RGL1: variants seen among roughly 807,000 people sequenced by gnomAD.
RGL1 encodes ral guanine nucleotide dissociation stimulator-like 1.
RGL1 carries 24 observed loss-of-function variants against 95.2 expected under a neutral mutation model. The observed-to-expected ratio is 0.25, with a 90% CI of 0.18 to 0.35. The LOEUF (loss-of-function observed/expected upper bound fraction) is 0.35, where lower values mean the gene tolerates loss of function less well. Ranked by LOEUF, RGL1 falls within the 10% of genes least tolerant of loss-of-function variation. RGL1 has a pLI of 1.00. For synonymous variants in RGL1, 329 were observed against 344.9 expected (o/e 0.95, Z 0.51); for missense variants, 715 against 936.3 (o/e 0.76, Z 3.08).
intron 1 of RGL1, among the ~76,000 whole-genome samples, chr1:183,740,442 G>T (rs1657220105): frequency 6.6e-6 from 1 of 152,216 alleles, no homozygotes; most frequent in South Asian, 2.1e-4. Flanking sequence ...GAGCAGAGAA[G>T]TAACTCCTCT....
At chr1:183,864,177 T>C (rs1558256920) in intron 3 of RGL1, among the ~76,000 whole-genome samples, 2 of 152,188 alleles carry the variant, frequency 1.3e-5, no homozygotes, top group Admixed American at 6.5e-5. Context: ...AAAAAGACTA[T>C]CAGGAGCAGT....
intron 1 of RGL1, chr1:183,648,070 A>G: frequency 6.2e-7 from 1 of 1,614,248 alleles, no homozygotes; most frequent in South Asian, 1.1e-5. Flanking sequence ...TCAGTGAAGT[A>G]AGGTTTTACG....
intron 1 of RGL1, among the ~76,000 whole-genome samples, chr1:183,729,184 ATGTG>A (rs61621950): frequency 0.46 from 69,696 of 150,374 alleles, 16,748 homozygotes; most frequent in East Asian, 0.75. Context: ...TAAAATATAT[ATGTG>A]TGTGTGTGTG....
At chr1:183,882,690 G>T (rs1044261828) in intron 5 of RGL1, among the ~76,000 whole-genome samples, 1 of 152,106 alleles carries the variant, frequency 6.6e-6, no homozygotes. Context: ...TCACATACCT[G>T]CCACCAGTAT....
At chr1:183,862,892 A>G (rs528002476) in intron 3 of RGL1, among the ~76,000 whole-genome samples, 7 of 152,374 alleles carry the variant, frequency 4.6e-5, no homozygotes, top group African/African-American at 1.4e-4. Flanking sequence ...TAACACAACA[A>G]CAAAATGAAC....
At chr1:183,811,116 A>G (rs1344917885) in intron 2 of RGL1, among the ~76,000 whole-genome samples, 1 of 152,212 alleles carries the variant, frequency 6.6e-6, no homozygotes, top group African/African-American at 2.4e-5. Flanking sequence ...ACTTACAAAG[A>G]AGAAGAAAGG....
At chr1:183,745,295 A>G (rs1348352778) in intron 2 of RGL1, among the ~76,000 whole-genome samples, 4 of 152,164 alleles carry the variant, frequency 2.6e-5, no homozygotes, top group Non-Finnish European at 5.9e-5. Flanking sequence ...ATGCACTAAA[A>G]CAATATTTTC....
chr1:183,660,835 A>G (rs1482483785), intron 1 of RGL1, among the ~76,000 whole-genome samples: 2 of 152,236 alleles, frequency 1.3e-5, no homozygotes, highest in African/African-American at 4.8e-5. Context: ...AATGTAAAAG[A>G]TCAGAAATTA....
At chr1:183,715,912 G>A (rs1361015248) in intron 1 of RGL1, among the ~76,000 whole-genome samples, 1 of 152,144 alleles carries the variant, frequency 6.6e-6, no homozygotes, top group Non-Finnish European at 1.5e-5. Context: ...AACTCTGAAG[G>A]TCTGAGAACC....
intron 2 of RGL1, among the ~76,000 whole-genome samples, chr1:183,760,968 A>G (rs1477700507): frequency 2.0e-5 from 3 of 152,204 alleles, no homozygotes; most frequent in African/African-American, 4.8e-5. Context: ...GATTGCAGCA[A>G]TTTAGCCTAT....
At chr1:183,895,102 C>T (rs1199994530) in intron 9 of RGL1, among the ~76,000 whole-genome samples, 1 of 152,140 alleles carries the variant, frequency 6.6e-6, no homozygotes, top group Non-Finnish European at 1.5e-5. Flanking sequence ...GAAATTCAAC[C>T]CTGATGGAGA....
intron 3 of RGL1, among the ~76,000 whole-genome samples, chr1:183,863,795 A>G (rs147368620): frequency 6.6e-6 from 1 of 152,126 alleles, no homozygotes; most frequent in Non-Finnish European, 1.5e-5. Context: ...CTTTTTATCC[A>G]TGGCCCTTAT....
chr1:183,752,321 G>T (rs1449187405), intron 2 of RGL1, among the ~76,000 whole-genome samples: 2 of 152,000 alleles, frequency 1.3e-5, no homozygotes, highest in African/African-American at 4.8e-5. Flanking sequence ...CCGCCTCCTG[G>T]TTTCAAGCGA....
At chr1:183,903,784 C>G (rs1302587922) in intron 12 of RGL1, among the ~76,000 whole-genome samples, 1 of 152,142 alleles carries the variant, frequency 6.6e-6, no homozygotes, top group Non-Finnish European at 1.5e-5. Context: ...GAAGTTAAAA[C>G]CAAAAAGGCA....
rs186243226 is a variant in RGL1 at position 183,880,511 on chromosome 1, A to G, written c.426-105A>G. On this transcript the variant is annotated intron_variant, in intron 4 of 17. Coordinates refer to ENST00000360851, the MANE Select transcript of RGL1 (RefSeq NM_001297671.3). ...TGGATGAATGATCTGTTGACCACCC[A>G]CCCAAGTTTCCAGGGGTGCCCCTGG... 4.8e-4 allele frequency: 421 copies of G among 885,346 alleles called. 1 individual carries two copies. In the African/African-American group the frequency reaches 6.5e-3, roughly 14 times the overall value. 54.8% of individuals were successfully genotyped at this position (885,346 alleles called of 1,614,324 possible). A position where few individuals can be genotyped will look rare whatever the true frequency, so the allele number is the denominator to read the frequency against.
Position 183,724,272 on chromosome 1 carries a change from G to C in RGL1, c.-32-17854G>C, listed in dbSNP as rs2102212964. On this transcript the variant is annotated intron_variant, in intron 1 of 18. Transcript: ENST00000304685. The surrounding 1 kb of genome is among the most constrained non-coding windows in gnomAD (Gnocchi z 4.1). ...CTATGAGGAGAGACTGTTTCTGCTT[G>C]AGAAAAGCAGAGGGAAGAGTAAAGG... 6.6e-6 allele frequency among the ~76,000 whole-genome samples: 1 copy of C among 152,258 alleles called. No individual in the cohort carries two copies. The highest frequency in any genetic ancestry group is 1.5e-5 in the Non-Finnish European group (1 of 68,024).
intron 3 of RGL1, among the ~76,000 whole-genome samples, chr1:183,855,512 A>C (rs933079858): frequency 6.6e-6 from 1 of 152,262 alleles, no homozygotes; most frequent in Non-Finnish European, 1.5e-5. Flanking sequence ...GCTGGCATGC[A>C]GTGTTCATGT....
intron 14 of RGL1, among the ~76,000 whole-genome samples, chr1:183,911,645 A>G (rs1263159934): frequency 6.6e-6 from 1 of 152,208 alleles, no homozygotes; most frequent in Non-Finnish European, 1.5e-5. Flanking sequence ...TTATAGAGGA[A>G]GCATTTAGGA....
chr1:183,882,009 C>T (rs999198157), intron 5 of RGL1, among the ~76,000 whole-genome samples: 1 of 152,226 alleles, frequency 6.6e-6, no homozygotes, highest in Non-Finnish European at 1.5e-5. Context: ...TTGTTTCCAA[C>T]ACAGGGACTG....
Sources: gnomAD v4.1 joint callset for allele counts (sites outside exome capture counted in the v4.1 genomes callset) on GRCh38, gnomAD v4.1.1 for gene constraint, Gnocchi (gnomAD v3.1) non-coding constraint, MANE v1.5 for transcripts, NCBI Gene and HGNC (gene_info 2026-07-23, HGNC 2026-07-21) for gene names.